Variants in SLC25A20 observed in about 807,000 individuals in gnomAD.
The protein encoded by SLC25A20 is mitochondrial carnitine/acylcarnitine carrier protein.
A neutral mutation model predicts 39.7 loss-of-function variants in SLC25A20; 29 were observed. That is an observed-to-expected ratio of 0.73 (90% CI 0.54 to 1.00). The LOEUF (loss-of-function observed/expected upper bound fraction) is 1.00, where lower values mean the gene tolerates loss of function less well. SLC25A20 is among the 50% of genes least tolerant of loss of function. The pLI is 0.00. For missense variants in SLC25A20, 333 were observed against 379.9 expected, an observed-to-expected ratio of 0.88 and a Z score of 1.03; for synonymous variants, 103 against 142.2, an observed-to-expected ratio of 0.72 and a Z score of 1.96.
intron 7 of SLC25A20, 131 bp from the exon 8 acceptor site, chr3:48,858,762 T>A: frequency 8.9e-7 from 1 of 1,120,814 alleles, no homozygotes; most frequent in Non-Finnish European, 1.3e-6. Context: ...TAGACAACAG[T>A]TCACCTTGGG....
intron 1 of SLC25A20, among the ~76,000 whole-genome samples, chr3:48,893,852 G>GAAA (rs978467478): frequency 2.7e-4 from 19 of 69,110 alleles, no homozygotes; most frequent in Admixed American, 5.5e-4. Context: ...CTTTAAAAAA[G>GAAA]AAAAAAAAAA....
At chr3:48,896,335 A>G (rs546710672) in intron 1 of SLC25A20, among the ~76,000 whole-genome samples, 9 of 151,674 alleles carry the variant, frequency 5.9e-5, no homozygotes, top group African/African-American at 2.2e-4. Context: ...ATGCCCAGCT[A>G]ATTTTTGTAT....
At chr3:48,896,064 C>T (rs1026202517) in intron 1 of SLC25A20, among the ~76,000 whole-genome samples, 2 of 149,426 alleles carry the variant, frequency 1.3e-5, no homozygotes, top group Non-Finnish European at 3.0e-5. Flanking sequence ...TGCTTGAACT[C>T]GGGAGATGGA....
intron 5 of SLC25A20, among the ~76,000 whole-genome samples, chr3:48,861,790 G>T (rs1315469665): frequency 6.7e-6 from 1 of 149,632 alleles, no homozygotes. Context: ...ACCTTGGGAG[G>T]CCGAGGCAGG....
At chr3:48,877,807 C>T (rs925604275) in intron 4 of SLC25A20, among the ~76,000 whole-genome samples, 12 of 151,914 alleles carry the variant, frequency 7.9e-5, no homozygotes, top group Non-Finnish European at 1.5e-4. Flanking sequence ...AAGCAGCCTC[C>T]GTTCTAAATT....
chr3:48,867,959 G>C (rs1408058475), intron 4 of SLC25A20, among the ~76,000 whole-genome samples: 1 of 151,996 alleles, frequency 6.6e-6, no homozygotes, highest in African/African-American at 2.4e-5. Flanking sequence ...TACTCGGGAG[G>C]CTGCGGCAGG....
In SLC25A20 at chr3:48,880,574, C is replaced by CTT. The variant is rs35306259; in HGVS notation, c.327-1128_327-1127dup. On this transcript the variant is annotated intron_variant, in intron 3 of 8. Coordinates refer to ENST00000319017, the MANE Select transcript of SLC25A20 (RefSeq NM_000387.6). ...TTACAGCATGAGCCACTGTGCCCGG[C>CTT]TTTTTTTTTTTTTTTTTTTTTTGAA... Among the ~76,000 whole-genome samples the CTT allele has an allele frequency of 1.9e-3, 141 of 73,080 alleles. 2 individuals carry two copies. The highest frequency in any genetic ancestry group is 3.8e-3 in the East Asian group (9 of 2,356). 47.9% of individuals were successfully genotyped at this position (73,080 alleles called of 152,430 possible). A position where few individuals can be genotyped will look rare whatever the true frequency, so the allele number is the denominator to read the frequency against.
intron 2 of SLC25A20, among the ~76,000 whole-genome samples, chr3:48,886,507 G>A (rs2083830564): frequency 6.6e-6 from 1 of 151,702 alleles, no homozygotes; most frequent in South Asian, 2.1e-4. Context: ...TGGGCAACAA[G>A]AGTAAAACTC....
At chr3:48,893,652 G>C (rs576999826) in intron 1 of SLC25A20, among the ~76,000 whole-genome samples, 1 of 152,020 alleles carries the variant, frequency 6.6e-6, no homozygotes, top group East Asian at 1.9e-4. Context: ...TCCCACCTCA[G>C]CCTCCCAAGT....
At chr3:48,866,112 G>A (rs973101653) in intron 4 of SLC25A20, among the ~76,000 whole-genome samples, 4 of 149,940 alleles carry the variant, frequency 2.7e-5, no homozygotes, top group South Asian at 4.3e-4. Context: ...CCAGCCTGGC[G>A]ACAGAGCGAG....
intron 4 of SLC25A20, among the ~76,000 whole-genome samples, chr3:48,864,460 A>G (rs1214330110): frequency 2.6e-5 from 4 of 152,018 alleles, no homozygotes; most frequent in Admixed American, 2.6e-4. Flanking sequence ...GAGGTCAATA[A>G]AAAGAGTCCT....
rs918241846 is a variant in SLC25A20 at position 48,867,993 on chromosome 3, G to A, written c.418-5334C>T. Among the ~76,000 whole-genome samples the A allele has an allele frequency of 5.3e-5, 8 of 151,896 alleles. 1 individual carries two copies. The highest frequency in any genetic ancestry group is 1.9e-4 in the East Asian group (1 of 5,142). On this transcript the variant is annotated intron_variant, in intron 4 of 8. Coordinates refer to ENST00000319017, the MANE Select transcript of SLC25A20 (RefSeq NM_000387.6). ...GGAGAATTACTTGAACCTGGGAGGC[G>A]GAGGTTGCGGTGAGCCGAGATGGCG...
chr3:48,859,736 T>C lies in SLC25A20; in HGVS notation c.536-109A>G, dbSNP rs909382480. ...TAGGAGATTGAGGCAGGGGGATTGC[T>C]TGAGGCCAGGAGGTCCGCGCTTGGC... On this transcript the variant is annotated intron_variant, in intron 5 of 8. Coordinates refer to ENST00000319017, the MANE Select transcript of SLC25A20 (RefSeq NM_000387.6). The C allele has an allele frequency of 3.3e-6, 3 of 906,302 alleles. No individual in the cohort carries two copies. In the Admixed American group the frequency reaches 5.2e-5, roughly 16 times the overall value. 56.1% of individuals were successfully genotyped at this position (906,302 alleles called of 1,614,324 possible).
At chr3:48,886,472 G>A (rs1207268071) in intron 2 of SLC25A20, among the ~76,000 whole-genome samples, 1 of 151,862 alleles carries the variant, frequency 6.6e-6, no homozygotes, top group Non-Finnish European at 1.5e-5. Context: ...GCAGTGAGCC[G>A]AGATCGCGCC....
chr3:48,882,111 A>G (rs1029372093), intron 3 of SLC25A20, among the ~76,000 whole-genome samples: 1 of 152,188 alleles, frequency 6.6e-6, no homozygotes, highest in Non-Finnish European at 1.5e-5. Context: ...AGCCCCTCCC[A>G]GGGGCTGGCA....
intron 1 of SLC25A20, among the ~76,000 whole-genome samples, chr3:48,893,483 C>T (rs1446440941): frequency 6.6e-6 from 1 of 151,944 alleles, no homozygotes; most frequent in African/African-American, 2.4e-5. Context: ...TTACAGAAAA[C>T]TGTGATGGTG....
intron 2 of SLC25A20, among the ~76,000 whole-genome samples, chr3:48,887,867 C>T (rs556739677): frequency 1.3e-5 from 2 of 151,570 alleles, no homozygotes; most frequent in African/African-American, 2.4e-5. Flanking sequence ...CGTGCCACTG[C>T]ACTCCAACCT....
At position 48,889,283 on chromosome 3, in the gene SLC25A20, G is replaced by A. The variant is rs187580456; in HGVS notation, c.198+2697C>T. Among the ~76,000 whole-genome samples, 18 of 150,376 alleles carry A rather than the reference G, an allele frequency of 1.2e-4. No homozygotes were observed. The East Asian group carries it at 2.6e-3, about 22-fold the overall frequency. On this transcript the variant is annotated intron_variant, in intron 2 of 8. Transcript: ENST00000319017. ...CACATGCCTGTAATCTCAGCTACTC[G>A]GGAAGCTTAGGCAGGAGAATCTCTT...
chr3:48,875,380 G>A (rs1030463133), intron 4 of SLC25A20, among the ~76,000 whole-genome samples: 1 of 151,940 alleles, frequency 6.6e-6, no homozygotes, highest in Non-Finnish European at 1.5e-5. Flanking sequence ...GATTACTGGC[G>A]TGAGCCACCG....
Sources: gnomAD v4.1 joint callset for allele counts (sites outside exome capture counted in the v4.1 genomes callset) on GRCh38, gnomAD v4.1.1 for gene constraint, MANE v1.5 for transcripts, NCBI Gene and HGNC (gene_info 2026-07-23, HGNC 2026-07-21) for gene names.